The following SIM1 variants were observed in gnomAD, a reference collection of about 807,000 sequenced individuals.
SIM1 encodes the protein single-minded homolog 1.
A neutral mutation model predicts 78.2 loss-of-function variants in SIM1; 18 were observed. The ratio of observed to expected loss-of-function variants is 0.23; its 90% confidence interval spans 0.16 to 0.34. The LOEUF (loss-of-function observed/expected upper bound fraction) is 0.34, where lower values mean the gene tolerates loss of function less well. Ranked by LOEUF, SIM1 falls within the 10% of genes least tolerant of loss-of-function variation. The probability of loss-of-function intolerance (pLI) is 1.00; values close to 1 mark genes in which losing one functional copy is unlikely to be tolerated. For synonymous variants in SIM1, 417 were observed against 385.2 expected (o/e 1.08, Z -0.97); for missense variants, 939 against 975.1 (o/e 0.96, Z 0.49).
At chr6:100,398,895 G>A (rs1770834961) in intron 10 of SIM1, among the ~76,000 whole-genome samples, 2 of 151,786 alleles carry the variant, frequency 1.3e-5, no homozygotes, top group African/African-American at 4.8e-5. Context: ...ATAGTACAAC[G>A]GGTTCAAATG....
intron 9 of SIM1, chr6:100,437,462 A>C (rs1457238560): frequency 6.6e-6 from 1 of 152,164 alleles, no homozygotes; most frequent in Non-Finnish European, 1.5e-5. Flanking sequence ...AATTTTTAAA[A>C]TATACCCATC....
intron 9 of SIM1, among the ~76,000 whole-genome samples, chr6:100,429,945 C>T (rs1771858438): frequency 6.6e-6 from 1 of 152,124 alleles, no homozygotes; most frequent in Admixed American, 6.6e-5. Flanking sequence ...CTGCATGTTT[C>T]ACTCACTTTC....
rs764549841 is a variant in SIM1, at chr6:100,448,180, G to A, written c.816C>T (p.Cys272=). The part of the protein sequence containing the change: ...EKTLYHHVHG[C]DTFHLRCAHH... ...GCGCGCAGCGCAGGTGGAAGGTGTC[G>A]CAGCCGTGCACATGGTGGTACAGAG... The change falls in exon 8 of 12, where the codon TGC becomes TGT. Residue 272 remains cysteine (C), a synonymous_variant. Coordinates refer to ENST00000369208, the MANE Select transcript of SIM1 (RefSeq NM_005068.3). 1 of 1,613,704 alleles carries A rather than the reference G, an allele frequency of 6.2e-7. No individual in the cohort carries two copies. The highest frequency in any genetic ancestry group is 8.5e-7 in the Non-Finnish European group (1 of 1,179,914).
chr6:100,449,667 G>A lies in SIM1; in HGVS notation c.381C>T (p.Tyr127=). Residue 127 remains tyrosine (Y), a synonymous_variant, in exon 5 of 12, where the codon TAC becomes TAT. Transcript: ENST00000369208. The part of the protein sequence containing the change: ...VELTGNSIYE[Y]IHPADHDEMT... Reference sequence around the variant, plus strand: ...TCTCGTCGTGGTCTGCCGGGTGAATGTATTCATAAATGCTGTTTCCGGTCA... The same window carrying A: ...TCTCGTCGTGGTCTGCCGGGTGAATATATTCATAAATGCTGTTTCCGGTCA... 1 of 1,614,064 alleles carries A rather than the reference G, an allele frequency of 6.2e-7. No homozygotes were observed. Among genetic ancestry groups the A allele is most frequent in the Admixed American group, 1.7e-5 (1 of 60,034 alleles).
chr6:100,407,927 C>A (rs1013174737), intron 10 of SIM1, among the ~76,000 whole-genome samples: 1 of 152,000 alleles, frequency 6.6e-6, no homozygotes, highest in African/African-American at 2.4e-5. Context: ...TCTCTCACTC[C>A]AAAGGCTGCA....
Position 100,463,311 on chromosome 6 carries a change from C to T in SIM1, c.158G>A (p.Arg53Lys), listed in dbSNP as rs2114562279. 6.2e-7 allele frequency: 1 copy of T among 1,612,182 alleles called. No homozygotes were observed. The highest frequency in any genetic ancestry group is 8.5e-7 in the Non-Finnish European group (1 of 1,178,420). The change falls in exon 2 of 12, where the codon AGA becomes AAA. Residue 53 changes from arginine (R) to lysine (K), a missense_variant. This residue lies in a region of SIM1 where 121 missense variants were observed against 124.6 expected (regional missense o/e 0.97). Transcript: ENST00000369208. ...IRLTTSYLKM[R>K]VVFPEGLGEA... ...TCACTTACCTTCTGGGAACACCACT[C>T]TCATTTTGAGATAGCTGGTCGTGAG... is the stretch of plus-strand genomic sequence containing the variant.
At chr6:100,426,175 A>T (rs772715205) in intron 9 of SIM1, among the ~76,000 whole-genome samples, 7 of 152,216 alleles carry the variant, frequency 4.6e-5, no homozygotes, top group African/African-American at 9.6e-5. Context: ...CAGGTGCCTC[A>T]GCTCTGAAAG....
chr6:100,433,605 A>T (rs1025152800), intron 9 of SIM1, among the ~76,000 whole-genome samples: 1 of 151,988 alleles, frequency 6.6e-6, no homozygotes, highest in African/African-American at 2.4e-5. Flanking sequence ...GTGGTGGCAC[A>T]TGCATGCCAT....
chr6:100,409,605 T>C (rs1410934146), intron 10 of SIM1, among the ~76,000 whole-genome samples: 2 of 152,126 alleles, frequency 1.3e-5, no homozygotes, highest in Non-Finnish European at 2.9e-5. Flanking sequence ...TTCTTTACCT[T>C]ATAGTTCCTT....
chr6:100,444,819 T>C (rs1236850513), intron 9 of SIM1, among the ~76,000 whole-genome samples: 1 of 152,146 alleles, frequency 6.6e-6, no homozygotes, highest in African/African-American at 2.4e-5. Context: ...GAATGTTGCC[T>C]CCACCAAAAC....
chr6:100,434,445 TTGCC>T (rs1771988269), intron 9 of SIM1, among the ~76,000 whole-genome samples: 1 of 152,240 alleles, frequency 6.6e-6, no homozygotes, highest in Non-Finnish European at 1.5e-5. Flanking sequence ...AAGCAGCTCT[TTGCC>T]TGTCGCTTGT....
rs993165572 is a variant in SIM1, at chr6:100,411,782, G to A, written c.1167+9008C>T. On this transcript the variant is annotated intron_variant, in intron 10 of 11. Transcript: ENST00000369208. Reference sequence around the variant, plus strand: ...GTAGAAGGCAGATTATTCTAAATAGGGGTCCAAAGGAGAAATATAACTCAG... The same window carrying A: ...GTAGAAGGCAGATTATTCTAAATAGAGGTCCAAAGGAGAAATATAACTCAG... Among the ~76,000 whole-genome samples, 3 of 152,194 alleles carry A rather than the reference G, an allele frequency of 2.0e-5. No individual in the cohort carries two copies. In the East Asian group the frequency reaches 5.8e-4, roughly 29 times the overall value.
intron 9 of SIM1, among the ~76,000 whole-genome samples, chr6:100,427,935 C>T (rs1421540190): frequency 6.6e-6 from 1 of 152,186 alleles, no homozygotes; most frequent in Non-Finnish European, 1.5e-5. Flanking sequence ...CAGATGCTCA[C>T]TTGCAAGAGA....
chr6:100,421,069 T>C, intron 9 of SIM1, 111 bp from the exon 10 acceptor site: 2 of 1,162,336 alleles, frequency 1.7e-6, no homozygotes, highest in South Asian at 1.6e-5. Context: ...CAAGCAAAAG[T>C]TAGCCCTATA....
intron 10 of SIM1, among the ~76,000 whole-genome samples, chr6:100,416,951 T>C (rs1456202615): frequency 1.3e-5 from 2 of 151,072 alleles, no homozygotes; most frequent in African/African-American, 2.4e-5. Flanking sequence ...AATCCTCTCA[T>C]TTCCTGTTCA....
intron 2 of SIM1, among the ~76,000 whole-genome samples, chr6:100,461,841 C>CTTTTTTTTT (rs10522700): frequency 7.1e-5 from 8 of 113,344 alleles, no homozygotes; most frequent in Non-Finnish European, 8.8e-5. Flanking sequence ...TTCTTTCTTT[C>CTTTTTTTTT]TTTTTTTTTT....
Position 100,386,320 on chromosome 6 carries a change from A to G in SIM1, c.*4041T>C, listed in dbSNP as rs1259625233. 2 of 152,038 alleles carry G rather than the reference A, an allele frequency of 1.3e-5. No individual in the cohort carries two copies. Among genetic ancestry groups the G allele is most frequent in the Admixed American group, 6.6e-5 (1 of 15,254 alleles). The allele number at this position is 152,038 out of a possible 1,614,324, so 9.4% of individuals were successfully genotyped here. ...AAAATGGTCAAATGCTCAATTTTCCAAATATCAGCATTCACTCTGTCACTT... is the reference window on the plus strand; with the variant it reads ...AAAATGGTCAAATGCTCAATTTTCCGAATATCAGCATTCACTCTGTCACTT... On this transcript the variant is annotated 3_prime_UTR_variant, in exon 12 of 12. Transcript: ENST00000369208.
At chr6:100,412,755 A>AAAG (rs1403981476) in intron 10 of SIM1, among the ~76,000 whole-genome samples, 3 of 120,276 alleles carry the variant, frequency 2.5e-5, no homozygotes, top group Non-Finnish European at 3.7e-5. Flanking sequence ...AAGAAAGAAA[A>AAAG]AAGAAAAGAA....
chr6:100,405,310 A>T (rs1348291101), intron 10 of SIM1, among the ~76,000 whole-genome samples: 1 of 152,134 alleles, frequency 6.6e-6, no homozygotes, highest in East Asian at 1.9e-4. Context: ...AGAGTTGAGG[A>T]TAATTTTGCT....
Sources: allele counts gnomAD v4.1 joint callset (sites outside exome capture counted in the v4.1 genomes callset), GRCh38; gene constraint gnomAD v4.1.1; regional missense constraint gnomAD v4.1.1; transcripts MANE v1.5; gene names NCBI Gene and HGNC (gene_info 2026-07-23, HGNC 2026-07-21).